The following SHC4 variants were observed in gnomAD, a reference collection of about 807,000 sequenced individuals.
The protein encoded by SHC4 is SHC-transforming protein 4.
SHC4 carries 41 observed loss-of-function variants against 69.4 expected under a neutral mutation model. The observed-to-expected ratio is 0.59, with a 90% CI of 0.46 to 0.77. SHC4 has a LOEUF of 0.77. SHC4 is among the 30% of genes least tolerant of loss of function. SHC4 has a pLI of 0.00. For synonymous variants in SHC4, 318 were observed against 299.3 expected, an observed-to-expected ratio of 1.06 and a Z score of -0.64; for missense variants, 777 against 783.8, an observed-to-expected ratio of 0.99 and a Z score of 0.10.
chr15:48,925,304 G>C (rs1900832062), intron 1 of SHC4, among the ~76,000 whole-genome samples: 1 of 152,194 alleles, frequency 6.6e-6, no homozygotes, highest in South Asian at 2.1e-4. Context: ...TAACTTCTGT[G>C]CCTCACAGTT....
intron 2 of SHC4, among the ~76,000 whole-genome samples, chr15:48,899,481 G>A (rs888011075): frequency 6.6e-6 from 1 of 151,738 alleles, no homozygotes; most frequent in Admixed American, 6.6e-5. Flanking sequence ...ATAAATAAAT[G>A]AATAAATAAA....
intron 3 of SHC4, 95 bp from the exon 4 acceptor site, chr15:48,884,462 C>A (rs1407533670): frequency 9.6e-7 from 1 of 1,038,106 alleles, no homozygotes; most frequent in Non-Finnish European, 1.3e-6. Flanking sequence ...GAGTCAAAGT[C>A]CAAACTCTTC....
At chr15:48,827,370 A>C (rs2140961778) in intron 11 of SHC4, among the ~76,000 whole-genome samples, 1 of 152,350 alleles carries the variant, frequency 6.6e-6, no homozygotes, top group African/African-American at 2.4e-5. Flanking sequence ...TTCTTAGGAA[A>C]TACACATTCA....
At chr15:48,902,280 T>C (rs971484175) in intron 2 of SHC4, among the ~76,000 whole-genome samples, 3 of 152,104 alleles carry the variant, frequency 2.0e-5, no homozygotes, top group Non-Finnish European at 4.4e-5. Flanking sequence ...CTCTGTGTTA[T>C]AACTGGAATG....
intron 6 of SHC4, among the ~76,000 whole-genome samples, chr15:48,859,073 G>A (rs1899386201): frequency 6.6e-6 from 1 of 152,154 alleles, no homozygotes; most frequent in African/African-American, 2.4e-5. Context: ...TAACTTGGAA[G>A]CATGATTTTA....
chr15:48,851,846 G>A (rs1372122744), intron 8 of SHC4, among the ~76,000 whole-genome samples: 1 of 152,184 alleles, frequency 6.6e-6, no homozygotes, highest in Admixed American at 6.5e-5. Context: ...TGAGATTGGA[G>A]TCAGGAAATG....
intron 2 of SHC4, among the ~76,000 whole-genome samples, chr15:48,919,295 A>ATTTTTTTTTTTTTGTTTTTTTTTTTT (rs1900692473): frequency 1.4e-5 from 1 of 71,216 alleles, no homozygotes; most frequent in Non-Finnish European, 2.6e-5. Flanking sequence ...ATTTATTTTA[A>ATTTTTTTTTTTTTGTTTTTTTTTTTT]TTTTTTTTTT....
At chr15:48,927,236 C>T (rs1900870163) in intron 1 of SHC4, among the ~76,000 whole-genome samples, 1 of 152,178 alleles carries the variant, frequency 6.6e-6, no homozygotes, top group South Asian at 2.1e-4. Context: ...TGGTACCTTC[C>T]AGCGCCCTCT....
At chr15:48,826,932 T>C (rs1036953445) in intron 11 of SHC4, among the ~76,000 whole-genome samples, 2 of 152,206 alleles carry the variant, frequency 1.3e-5, no homozygotes, top group Non-Finnish European at 2.9e-5. Flanking sequence ...GATTCACAGA[T>C]ATTTGTTGCA....
chr15:48,886,090 C>G (rs1046801973), intron 3 of SHC4, among the ~76,000 whole-genome samples: 3 of 152,126 alleles, frequency 2.0e-5, no homozygotes, highest in Admixed American at 1.3e-4. Flanking sequence ...AACCCCGTCT[C>G]TACTAAAAAC....
intron 10 of SHC4, among the ~76,000 whole-genome samples, chr15:48,837,622 G>C (rs1595726994): frequency 1.3e-5 from 2 of 152,092 alleles, no homozygotes; most frequent in South Asian, 4.1e-4. Context: ...CTGAGAAGAA[G>C]TAGTGGAGGT....
chr15:48,845,898 T>C (rs1899082094), intron 9 of SHC4, among the ~76,000 whole-genome samples: 1 of 152,226 alleles, frequency 6.6e-6, no homozygotes, highest in Admixed American at 6.5e-5. Flanking sequence ...CACATGTGTA[T>C]ACAACTTATA....
chr15:48,834,992 G>A lies in SHC4; in HGVS notation c.1514C>T (p.Thr505Ile), dbSNP rs1898874282. 1 of 1,612,450 alleles carries A rather than the reference G, an allele frequency of 6.2e-7. No homozygotes were observed. The highest frequency in any genetic ancestry group is 1.1e-5 in the South Asian group (1 of 90,844). The part of the protein sequence containing the change: ...KAPETVQPGA[T>I]AQPASSHSLP... ...AGAATGTGAGCTGGCAGGCTGGGCT[G>A]TGGCACCCGGCTGAACAGTTTCTGG... is the stretch of plus-strand genomic sequence containing the variant. Residue 505 changes from threonine to isoleucine, a missense_variant, in exon 11 of 12, where the codon ACA becomes ATA. Transcript: ENST00000332408.
At chr15:48,899,073 G>A (rs555903817) in intron 2 of SHC4, among the ~76,000 whole-genome samples, 2 of 150,214 alleles carry the variant, frequency 1.3e-5, no homozygotes, top group Non-Finnish European at 3.0e-5. Flanking sequence ...CCGAAAACAG[G>A]TCTTACTTAG....
intron 1 of SHC4, chr15:48,946,002 G>T (rs1242924209): frequency 1.3e-5 from 2 of 152,106 alleles, no homozygotes; most frequent in African/African-American, 2.4e-5. Context: ...TTATACAGAG[G>T]TTTCCATGTA....
At chr15:48,948,889 G>A (rs1294966521) in intron 1 of SHC4, among the ~76,000 whole-genome samples, 1 of 152,132 alleles carries the variant, frequency 6.6e-6, no homozygotes, top group Non-Finnish European at 1.5e-5. Flanking sequence ...CTGGGTGACA[G>A]AGCGAGACCT....
At chr15:48,928,571 C>T (rs561459834) in intron 1 of SHC4, among the ~76,000 whole-genome samples, 11 of 152,178 alleles carry the variant, frequency 7.2e-5, no homozygotes, top group Non-Finnish European at 1.3e-4. Flanking sequence ...AAATAAGTTG[C>T]CATTCATTTT....
chr15:48,953,483 A>G (rs1310813362), intron 1 of SHC4, among the ~76,000 whole-genome samples: 1 of 152,186 alleles, frequency 6.6e-6, no homozygotes, highest in East Asian at 1.9e-4. Context: ...CTCCCATTTC[A>G]ATACTGATGC....
At chr15:48,945,013 T>C (rs888462417) in intron 1 of SHC4, among the ~76,000 whole-genome samples, 3 of 152,218 alleles carry the variant, frequency 2.0e-5, no homozygotes, top group African/African-American at 7.2e-5. Context: ...ATGTTTATGC[T>C]TATGTTTTTC....
Sources: allele counts gnomAD v4.1 joint callset (sites outside exome capture counted in the v4.1 genomes callset), GRCh38; gene constraint gnomAD v4.1.1; transcripts MANE v1.5; gene names NCBI Gene and HGNC (gene_info 2026-07-23, HGNC 2026-07-21).